APC: variants seen among roughly 807,000 people sequenced by gnomAD.
APC encodes the protein APC regulator of Wnt signaling pathway.
In APC, 72 loss-of-function variants were observed where a neutral mutation model predicts 247.0. The ratio of observed to expected loss-of-function variants is 0.29; its 90% confidence interval spans 0.24 to 0.35. The LOEUF (loss-of-function observed/expected upper bound fraction) is 0.35. Ranked by LOEUF, APC falls within the 10% of genes least tolerant of loss-of-function variation. The probability of loss-of-function intolerance (pLI) is 1.00; values close to 1 mark genes in which losing one functional copy is unlikely to be tolerated. For synonymous variants in APC, 1,254 were observed against 1,162.5 expected (o/e 1.08, Z -1.60); for missense variants, 3,400 against 3,360.7 (o/e 1.01, Z -0.29).
chr5:112,805,310 C>G (rs1761262116), intron 8 of APC, among the ~76,000 whole-genome samples: 1 of 152,216 alleles, frequency 6.6e-6, no homozygotes, highest in East Asian at 1.9e-4. Flanking sequence ...AGAGTCCTAC[C>G]ATGACATACA....
rs185346146 is a variant in APC at position 112,707,595 on chromosome 5, C to T, written c.-123C>T. On this transcript the variant is annotated 5_prime_UTR_variant, in exon 1 of 14. Coordinates refer to the APC transcript ENST00000507379. ...AGCCTAGCCGCTGCTCGGGGGGGACCTGCGGGCTCAGGCCCGGGAGCTGCG... is the reference window on the plus strand; with the variant it reads ...AGCCTAGCCGCTGCTCGGGGGGGACTTGCGGGCTCAGGCCCGGGAGCTGCG... 4 of 1,096,980 alleles carry T rather than the reference C, an allele frequency of 3.6e-6. No individual in the cohort carries two copies. Among genetic ancestry groups the T allele is most frequent in the African/African-American group, 1.6e-5 (1 of 64,262 alleles). 68.0% of individuals were successfully genotyped at this position (1,096,980 alleles called of 1,614,324 possible). A position where few individuals can be genotyped will look rare whatever the true frequency, so the allele number is the denominator to read the frequency against.
chr5:112,764,678 T>A (rs1364386482), intron 2 of APC, among the ~76,000 whole-genome samples: 2 of 152,186 alleles, frequency 1.3e-5, no homozygotes, highest in African/African-American at 4.8e-5. Context: ...GACATGTCAT[T>A]GGAAATTAAC....
Position 112,841,817 on chromosome 5 carries a change from G to T in APC, c.6223G>T (p.Asp2075Tyr), listed in dbSNP as rs754004343. The T allele has an allele frequency of 6.2e-7, 1 of 1,614,012 alleles. No homozygotes were observed. Among genetic ancestry groups the T allele is most frequent in the Non-Finnish European group, 8.5e-7 (1 of 1,179,886 alleles). Residue 2075 changes from aspartate (D) to tyrosine (Y), a missense_variant, in exon 16 of 16, where the codon GAT becomes TAT. By Grantham distance (160) the Asp-to-Tyr change is radical. Coordinates refer to ENST00000257430, the MANE Select transcript of APC (RefSeq NM_000038.6). The surrounding 1 kb of genome is among the most constrained non-coding windows in gnomAD (Gnocchi z 4.6). ...AAATATGGGTGGCATATTAGGTGAA[G>T]ATCTGACACTTGATTTGAAAGATAT... is the stretch of plus-strand genomic sequence containing the variant. ...PRNMGGILGE[D>Y]LTLDLKDIQR...
At chr5:112,726,067 G>A (rs1188408311) in intron 1 of APC, among the ~76,000 whole-genome samples, 6 of 152,202 alleles carry the variant, frequency 3.9e-5, no homozygotes, top group East Asian at 3.9e-4. Context: ...GCACACAGAC[G>A]GGCAGGTGCA....
At chr5:112,828,147 C>G (rs1763910435) in intron 13 of APC, 141 bp downstream of exon 13, 4 of 743,380 alleles carry the variant, frequency 5.4e-6, no homozygotes, top group Non-Finnish European at 9.4e-6. Context: ...GCAATCCTCC[C>G]ACTTCAGCCT....
intron 15 of APC, among the ~76,000 whole-genome samples, chr5:112,837,054 A>G (rs1765016737): frequency 6.6e-6 from 1 of 152,200 alleles, no homozygotes; most frequent in African/African-American, 2.4e-5. Flanking sequence ...AGAGATACAG[A>G]GATTACTCTA....
rs751433216 is a variant in APC, at chr5:112,838,162, C to T, written c.2568C>T (p.Arg856=). The T allele has an allele frequency of 5.7e-5, 92 of 1,614,004 alleles. No individual in the cohort carries two copies. Among genetic ancestry groups the T allele is most frequent in the South Asian group, 1.3e-4 (12 of 91,084 alleles). Residue 856 remains arginine, a synonymous_variant, in exon 16 of 16, where the codon CGC becomes CGT. Transcript: ENST00000257430. The part of the protein sequence containing the change: ...SEKDRSLERE[R]GIGLGNYHPA... ...AAGATAGAAGTTTGGAGAGAGAACGCGGAATTGGTCTAGGCAACTACCATC... is the reference window on the plus strand; with the variant it reads ...AAGATAGAAGTTTGGAGAGAGAACGTGGAATTGGTCTAGGCAACTACCATC...
chr5:112,722,627 C>T (rs1236189628), intron 1 of APC, among the ~76,000 whole-genome samples: 1 of 152,074 alleles, frequency 6.6e-6, no homozygotes, highest in East Asian at 1.9e-4. Flanking sequence ...TTTCCCACTA[C>T]CCCCTCTTTG....
chr5:112,775,905 T>G (rs1222298710), intron 5 of APC, among the ~76,000 whole-genome samples, 168 bp downstream of exon 5: 4 of 152,216 alleles, frequency 2.6e-5, no homozygotes, highest in African/African-American at 9.6e-5. Flanking sequence ...TGAATTTTTG[T>G]TGGTAAAGAT....
chr5:112,749,903 ACT>A (rs1754125901), intron 1 of APC, among the ~76,000 whole-genome samples: 2 of 138,530 alleles, frequency 1.4e-5, no homozygotes, highest in Admixed American at 7.0e-5. Flanking sequence ...CTCTAATCAT[ACT>A]TAGTTGTTTT....
chr5:112,771,295 G>T (rs1205004822), intron 4 of APC, among the ~76,000 whole-genome samples: 2 of 151,974 alleles, frequency 1.3e-5, no homozygotes, highest in African/African-American at 2.4e-5. Flanking sequence ...ATAATATGAG[G>T]ATCTAGTTTC....
intron 14 of APC, among the ~76,000 whole-genome samples, chr5:112,832,655 C>T (rs1350621156): frequency 6.6e-6 from 1 of 152,186 alleles, no homozygotes; most frequent in African/African-American, 2.4e-5. Context: ...CGCTGATTCC[C>T]ACTTCCCTGC....
At chr5:112,803,621 A>G (rs1761063883) in intron 8 of APC, among the ~76,000 whole-genome samples, 2 of 152,194 alleles carry the variant, frequency 1.3e-5, no homozygotes, top group Admixed American at 6.5e-5. Flanking sequence ...AGCTTAGTAA[A>G]AGGTAACCGA....
intron 1 of APC, among the ~76,000 whole-genome samples, chr5:112,740,436 T>C (rs1752858871): frequency 6.6e-6 from 1 of 152,134 alleles, no homozygotes; most frequent in African/African-American, 2.4e-5. Flanking sequence ...TGAATTGTGC[T>C]GTTTAAGGAA....
In APC at chr5:112,821,904, C is replaced by G. The variant is rs1444245614; in HGVS notation, c.1321C>G (p.Pro441Ala). 6.2e-7 allele frequency: 1 copy of G among 1,612,416 alleles called. No individual in the cohort carries two copies. The highest frequency in any genetic ancestry group is 8.5e-7 in the Non-Finnish European group (1 of 1,178,910). Residue 441 changes from proline (P) to alanine (A), a missense_variant, in exon 11 of 16, where the codon CCT becomes GCT. By Grantham distance (27) the Pro-to-Ala change is conservative (BLOSUM62 -1). Transcript: ENST00000257430. ...MDQDKNPMPA[P>A]VEHQICPAVC... ...TTGATTTTATTTTTCAGTGCCAGCT[C>G]CTGTTGAACATCAGATCTGTCCTGC...
Position 112,840,581 on chromosome 5 carries a change from G to A in APC, c.4987G>A (p.Glu1663Lys), listed in dbSNP as rs758987855. Reference protein sequence around the residue: ...TATSLSDLTIESPPNELAAGE... With the variant: ...TATSLSDLTIKSPPNELAAGE... ...TACATCTCTAAGTGATCTAACAATC[G>A]AATCCCCTCCAAATGAGTTAGCTGC... The change falls in exon 16 of 16, where the codon GAA becomes AAA. Residue 1663 changes from glutamate to lysine, a missense_variant. This residue lies in a region of APC where 1,788 missense variants were observed against 1,649.5 expected (regional missense o/e 1.08). Coordinates refer to ENST00000257430, the MANE Select transcript of APC (RefSeq NM_000038.6). This position sits in a 1 kb window ranked among gnomAD's most constrained non-coding sequence, Gnocchi z 4.1. 1 of 1,614,100 alleles carries A rather than the reference G, an allele frequency of 6.2e-7. No homozygotes were observed. The highest frequency in any genetic ancestry group is 8.5e-7 in the Non-Finnish European group (1 of 1,179,994).
chr5:112,755,234 C>A, intron 2 of APC: 1 of 325,356 alleles, frequency 3.1e-6, no homozygotes, highest in Non-Finnish European at 4.4e-6. Context: ...AAGTGTAAAA[C>A]TCCAATGGCT....
chr5:112,813,000 A>G (rs1416141711), intron 8 of APC, among the ~76,000 whole-genome samples: 1 of 152,196 alleles, frequency 6.6e-6, no homozygotes, highest in Non-Finnish European at 1.5e-5. Context: ...TAAAGAGTCC[A>G]GACCCACAAA....
intron 2 of APC, among the ~76,000 whole-genome samples, chr5:112,758,525 C>G (rs1755250689): frequency 1.3e-5 from 2 of 152,174 alleles, no homozygotes; most frequent in South Asian, 4.1e-4. Flanking sequence ...CGGGGTTTCA[C>G]TATGTTGGCT....
Sources: gnomAD v4.1 joint callset for allele counts (sites outside exome capture counted in the v4.1 genomes callset) on GRCh38, gnomAD v4.1.1 for gene constraint, gnomAD v4.1.1 regional missense constraint, Gnocchi (gnomAD v3.1) non-coding constraint, MANE v1.5 for transcripts, NCBI Gene and HGNC (gene_info 2026-07-23, HGNC 2026-07-21) for gene names.